GOLGA4: variants seen among roughly 807,000 people sequenced by gnomAD.
GOLGA4 encodes golgin subfamily A member 4.
In GOLGA4, 169 loss-of-function variants were observed where a neutral mutation model predicts 265.9. That is an observed-to-expected ratio of 0.64 (90% CI 0.56 to 0.72). The LOEUF (loss-of-function observed/expected upper bound fraction) is 0.72. Ranked by LOEUF, GOLGA4 falls within the 30% of genes least tolerant of loss-of-function variation. GOLGA4 has a pLI of 0.00. For missense variants in GOLGA4, 2,482 were observed against 2,483.4 expected, an observed-to-expected ratio of 1.00 and a Z score of 0.01; for synonymous variants, 923 against 855.8, an observed-to-expected ratio of 1.08 and a Z score of -1.37.
chr3:37,295,032 A>C lies in GOLGA4; in HGVS notation c.636A>C (p.Ala212=). The change falls in exon 6 of 24, where the codon GCA becomes GCC. Residue 212 remains alanine (A), a synonymous_variant. Coordinates refer to ENST00000361924, the MANE Select transcript of GOLGA4 (RefSeq NM_002078.5). ...AKKHLQEEFD[A]SLEEKDQYIS... The stretch of plus-strand genomic sequence containing the variant: ...AACATCTGCAAGAGGAGTTTGATGC[A>C]TCTTTAGAGGAGAAAGATCAGTATA... 3 of 1,610,184 alleles carry C rather than the reference A, an allele frequency of 1.9e-6. No homozygotes were observed. Among genetic ancestry groups the C allele is most frequent in the Non-Finnish European group, 2.5e-6 (3 of 1,177,064 alleles).
chr3:37,292,502 A>T (rs943036801), intron 5 of GOLGA4, among the ~76,000 whole-genome samples: 1 of 152,154 alleles, frequency 6.6e-6, no homozygotes, highest in African/African-American at 2.4e-5. Flanking sequence ...CCTGGCCAAC[A>T]TGGTGAAACC....
chr3:37,282,535 C>A (rs1291336343), intron 3 of GOLGA4, among the ~76,000 whole-genome samples: 1 of 152,186 alleles, frequency 6.6e-6, no homozygotes, highest in Admixed American at 6.5e-5. Flanking sequence ...ATATTCTGTT[C>A]CCCTCTCCTT....
At position 37,243,467 on chromosome 3, in the gene GOLGA4, T is replaced by G; in HGVS notation, c.-84T>G. ...CCCCGCTGTCCCTGGTGTAAAGAAG[T>G]CGCCGTAGCCGTCGCGGCCGGGACT... On this transcript the variant is annotated 5_prime_UTR_variant, in exon 1 of 24. Coordinates refer to ENST00000361924, the MANE Select transcript of GOLGA4 (RefSeq NM_002078.5). The G allele has an allele frequency of 8.4e-7, 1 of 1,189,384 alleles. No individual in the cohort carries two copies. Among genetic ancestry groups the G allele is most frequent in the Non-Finnish European group, 1.3e-6 (1 of 795,504 alleles). The allele number at this position is 1,189,384 out of a possible 1,614,324, so 73.7% of individuals were successfully genotyped here. A position where few individuals can be genotyped will look rare whatever the true frequency, so the allele number is the denominator to read the frequency against.
At chr3:37,291,117 T>A (rs2096863452) in intron 5 of GOLGA4, among the ~76,000 whole-genome samples, 1 of 152,160 alleles carries the variant, frequency 6.6e-6, no homozygotes, top group Admixed American at 6.5e-5. Context: ...TGTTTAAAAT[T>A]CAGAGAGTGC....
chr3:37,347,555 C>T (rs1269598737), intron 21 of GOLGA4, among the ~76,000 whole-genome samples: 1 of 152,072 alleles, frequency 6.6e-6, no homozygotes, highest in Non-Finnish European at 1.5e-5. Flanking sequence ...ATTTCATTAA[C>T]ATAAGAATAA....
intron 2 of GOLGA4, among the ~76,000 whole-genome samples, chr3:37,263,633 C>T (rs1450368433): frequency 6.6e-6 from 1 of 152,148 alleles, no homozygotes; most frequent in African/African-American, 2.4e-5. Flanking sequence ...ACAAGGTCAA[C>T]AAAGACTCCT....
chr3:37,310,287 T>C (rs1274568771), intron 10 of GOLGA4, among the ~76,000 whole-genome samples: 1 of 152,170 alleles, frequency 6.6e-6, no homozygotes, highest in Non-Finnish European at 1.5e-5. Context: ...TTTCTTATTA[T>C]AATTGATTAG....
chr3:37,364,204 T>C lies in GOLGA4; in HGVS notation c.*34-1876T>C, dbSNP rs967082233. ...TTTTATGGGATTTTAAACTCATATC[T>C]TGATGTGACTACTGGTTTTAGCATT... On this transcript the variant is annotated intron_variant, in intron 23 of 23. Transcript: ENST00000361924. Among the ~76,000 whole-genome samples, 14 of 152,120 alleles carry C rather than the reference T, an allele frequency of 9.2e-5. 1 individual carries two copies. The highest frequency in any genetic ancestry group is 3.1e-4 in the African/African-American group (13 of 41,436).
intron 2 of GOLGA4, chr3:37,276,086 C>G (rs1020116464): frequency 6.2e-7 from 1 of 1,611,942 alleles, no homozygotes; most frequent in Non-Finnish European, 8.5e-7. Context: ...ATCCTTTCCT[C>G]GGGCACCAAG....
intron 20 of GOLGA4, among the ~76,000 whole-genome samples, chr3:37,341,154 C>T (rs1316119087): frequency 6.6e-6 from 1 of 152,086 alleles, no homozygotes; most frequent in East Asian, 1.9e-4. Context: ...AATGATCCAC[C>T]TGCCTCCCAA....
chr3:37,321,589 C>G (rs2096954888), intron 12 of GOLGA4, 142 bp from the exon 13 acceptor site: 1 of 692,842 alleles, frequency 1.4e-6, no homozygotes. Context: ...CAGACTAGAG[C>G]ATGGGAGGAG....
At chr3:37,328,710 T>A (rs1578730283) in intron 15 of GOLGA4, among the ~76,000 whole-genome samples, 173 bp downstream of exon 15, 1 of 152,210 alleles carries the variant, frequency 6.6e-6, no homozygotes, top group East Asian at 1.9e-4. Flanking sequence ...TGACTTACCT[T>A]AAGGAGAGAG....
Position 37,321,775 on chromosome 3 carries a change from A to G in GOLGA4, c.1590A>G (p.Glu530=). 1 of 1,611,798 alleles carries G rather than the reference A, an allele frequency of 6.2e-7. No individual in the cohort carries two copies. Among genetic ancestry groups the G allele is most frequent in the Non-Finnish European group, 8.5e-7 (1 of 1,179,372 alleles). ...SEYLKISQEK[E]QQESLALEEL... is the part of the protein sequence containing the mutation. ...ATTTGAAGATCAGCCAAGAAAAAGA[A>G]CAGCAAGAATCTTTGGCCCTAGAAG... Residue 530 remains glutamate (E), a synonymous_variant, in exon 13 of 24, where the codon GAA becomes GAG. Coordinates refer to ENST00000361924, the MANE Select transcript of GOLGA4 (RefSeq NM_002078.5).
intron 22 of GOLGA4, among the ~76,000 whole-genome samples, chr3:37,355,773 T>A (rs1386721414): frequency 6.6e-6 from 1 of 152,108 alleles, no homozygotes; most frequent in Non-Finnish European, 1.5e-5. Context: ...ATTTTTGCCC[T>A]GGGCCAGTAA....
At chr3:37,254,335 A>G (rs1008529404) in intron 2 of GOLGA4, among the ~76,000 whole-genome samples, 1 of 152,192 alleles carries the variant, frequency 6.6e-6, no homozygotes, top group African/African-American at 2.4e-5. Flanking sequence ...TTATCAGATC[A>G]TTTCAGTATA....
intron 2 of GOLGA4, among the ~76,000 whole-genome samples, chr3:37,260,707 A>G (rs2096767361): frequency 6.6e-6 from 1 of 152,084 alleles, no homozygotes; most frequent in Non-Finnish European, 1.5e-5. Flanking sequence ...CTAAGACACT[A>G]AAGTTTTTTG....
intron 2 of GOLGA4, among the ~76,000 whole-genome samples, chr3:37,254,802 G>A (rs933189489): frequency 2.0e-5 from 3 of 148,792 alleles, no homozygotes; most frequent in Admixed American, 1.3e-4. Context: ...GTGCCGGGCC[G>A]TATTTTTACA....
chr3:37,323,354 C>CCCGG (rs1559426604), intron 13 of GOLGA4, among the ~76,000 whole-genome samples: 1 of 152,036 alleles, frequency 6.6e-6, no homozygotes, highest in Non-Finnish European at 1.5e-5. Context: ...GTCTCAAACT[C>CCCGG]CCGGCTTCAA....
rs7634034 is a variant in GOLGA4 at position 37,352,246 on chromosome 3, A to G, written c.6577-2855A>G. Among the ~76,000 whole-genome samples, 1,375 of 152,182 alleles carry G rather than the reference A, an allele frequency of 9.0e-3. 30 individuals are homozygous for G. The highest frequency in any genetic ancestry group is 0.031 in the African/African-American group (1,296 of 41,536). On this transcript the variant is annotated intron_variant, in intron 21 of 23. Coordinates refer to ENST00000361924, the MANE Select transcript of GOLGA4 (RefSeq NM_002078.5). ...CTCACAGTTCTGCAGGGCTGAACTAATGACATGAGGAAGGCCTCAGGAAAC... is the reference window on the plus strand; with the variant it reads ...CTCACAGTTCTGCAGGGCTGAACTAGTGACATGAGGAAGGCCTCAGGAAAC...
Sources: allele counts gnomAD v4.1 joint callset (sites outside exome capture counted in the v4.1 genomes callset), GRCh38; gene constraint gnomAD v4.1.1; transcripts MANE v1.5; gene names NCBI Gene and HGNC (gene_info 2026-07-23, HGNC 2026-07-21).